TSPEAR: variants seen among roughly 807,000 people sequenced by gnomAD.
TSPEAR encodes thrombospondin type laminin G domain and EAR repeats, also known as thrombospondin-type laminin G domain and EAR repeat-containing protein.
Under a neutral mutation model 71.6 loss-of-function variants are expected in TSPEAR, and 69 were observed. The ratio of observed to expected loss-of-function variants is 0.96; its 90% CI spans 0.79 to 1.18. The LOEUF (loss-of-function observed/expected upper bound fraction) is 1.18. Ranked by LOEUF, TSPEAR falls within the 50% of genes most tolerant of loss-of-function variation. TSPEAR has a pLI of 0.00. For missense variants in TSPEAR, 971 were observed against 894.9 expected, an observed-to-expected ratio of 1.09 and a Z score of -1.09; for synonymous variants, 402 against 387.2, an observed-to-expected ratio of 1.04 and a Z score of -0.45.
At chr21:44,658,445 C>A (rs1985300978) in intron 1 of TSPEAR, 2 of 616,082 alleles carry the variant, frequency 3.2e-6, no homozygotes, top group African/African-American at 3.8e-5. Flanking sequence ...TGGGAACCCC[C>A]TCAAGGAAGT....
chr21:44,519,864 G>T (rs1189081971), intron 9 of TSPEAR: 2 of 152,292 alleles, frequency 1.3e-5, no homozygotes, highest in African/African-American at 2.4e-5. Flanking sequence ...GCGGATGCGG[G>T]CAGAGCTCTT....
intron 11 of TSPEAR, among the ~76,000 whole-genome samples, chr21:44,504,139 G>A (rs1234340660): frequency 7.0e-6 from 1 of 143,756 alleles, no homozygotes; most frequent in African/African-American, 2.6e-5. Context: ...GCCTCAGTGA[G>A]CCCACAGTGG....
chr21:44,574,094 C>G (rs587758477), intron 1 of TSPEAR: 1 of 1,608,928 alleles, frequency 6.2e-7, no homozygotes, highest in African/African-American at 1.3e-5. Context: ...GCTGCGTGCC[C>G]GTCTGCTGCA....
chr21:44,693,334 G>T, intron 1 of TSPEAR, among the ~76,000 whole-genome samples: 1 of 152,008 alleles, frequency 6.6e-6, no homozygotes, highest in East Asian at 1.9e-4. Flanking sequence ...AGAAGCACCA[G>T]CAACAAAAGA....
At position 44,648,543 on chromosome 21, in the gene TSPEAR, A is replaced by G. The variant is rs370577377; in HGVS notation, c.82+62890T>C. ...GGACAAAGGCCTTCATGGACCTTTC[A>G]TAGCACAAACAGTTAAAAAAAGAGG... On this transcript the variant is annotated intron_variant, in intron 1 of 11. Transcript: ENST00000323084. Among the ~76,000 whole-genome samples, 309 of 152,322 alleles carry G rather than the reference A, an allele frequency of 2.0e-3. 1 individual carries two copies. The highest frequency in any genetic ancestry group is 0.017 in the Middle Eastern group (5 of 294).
In TSPEAR at chr21:44,498,177, C is replaced by G. The variant is rs1380922100; in HGVS notation, c.*1606G>C. 1 of 152,276 alleles carries G rather than the reference C, an allele frequency of 6.6e-6. No individual in the cohort carries two copies. The highest frequency in any genetic ancestry group is 1.5e-5 in the Non-Finnish European group (1 of 68,078). 9.4% of individuals were successfully genotyped at this position (152,276 alleles called of 1,614,324 possible). A position where few individuals can be genotyped will look rare whatever the true frequency, so the allele number is the denominator to read the frequency against. The stretch of plus-strand genomic sequence containing the variant: ...CCACTAGTGGAGATGCTGACCCTCT[C>G]ATCTGCAGCTGTCTGCTTAGGGCAA... On this transcript the variant is annotated 3_prime_UTR_variant, in exon 12 of 12. Transcript: ENST00000323084.
intron 4 of TSPEAR, among the ~76,000 whole-genome samples, chr21:44,530,403 C>T (rs2052944827): frequency 6.7e-6 from 1 of 149,680 alleles, no homozygotes; most frequent in African/African-American, 2.6e-5. Flanking sequence ...ATCCCTCCAT[C>T]CACCCATCCA....
At chr21:44,706,009 CTG>C (rs1176127410) in intron 1 of TSPEAR, among the ~76,000 whole-genome samples, 2 of 152,296 alleles carry the variant, frequency 1.3e-5, no homozygotes, top group Admixed American at 1.3e-4. Context: ...CTTTTGTACT[CTG>C]TCCCTTTATT....
intron 6 of TSPEAR, 25 bp downstream of exon 6, chr21:44,528,427 C>T (rs782205907): frequency 2.3e-5 from 37 of 1,612,984 alleles, no homozygotes; most frequent in South Asian, 1.1e-4. Context: ...TGCATGCCAA[C>T]GCCCCGGGTG....
In TSPEAR at chr21:44,681,371, C is replaced by T. The variant is rs577074376; in HGVS notation, c.82+30062G>A. On this transcript the variant is annotated intron_variant, in intron 1 of 11. Coordinates refer to ENST00000323084, the MANE Select transcript of TSPEAR (RefSeq NM_144991.3). ...ACTCCACCACAGGCGGGTAAGTCAC[C>T]GCTGTGGCCACTGCAGCTGGGCCCC... Among the ~76,000 whole-genome samples the T allele has an allele frequency of 9.2e-5, 14 of 152,322 alleles. No individual in the cohort carries two copies. In the East Asian group the frequency reaches 2.1e-3, roughly 23 times the overall value.
At chr21:44,677,229 T>C (rs1986357520) in intron 1 of TSPEAR, 1 of 717,014 alleles carries the variant, frequency 1.4e-6, no homozygotes, top group South Asian at 1.6e-5. Context: ...TACCTCTTCT[T>C]TGGCTTTGAG....
chr21:44,709,617 G>A (rs1988115267), intron 1 of TSPEAR, among the ~76,000 whole-genome samples: 1 of 152,248 alleles, frequency 6.6e-6, no homozygotes, highest in African/African-American at 2.4e-5. Flanking sequence ...ACCACCCGCC[G>A]CGGCTCCACG....
intron 1 of TSPEAR, among the ~76,000 whole-genome samples, chr21:44,635,812 A>G (rs1983527346): frequency 1.3e-5 from 2 of 152,220 alleles, no homozygotes; most frequent in Non-Finnish European, 2.9e-5. Flanking sequence ...TTTATGGTTG[A>G]TCACAATTTA....
At chr21:44,655,300 G>A (rs373982695) in intron 1 of TSPEAR, among the ~76,000 whole-genome samples, 21 of 152,208 alleles carry the variant, frequency 1.4e-4, no homozygotes, top group Middle Eastern at 3.4e-3. Flanking sequence ...ATCCATGGTC[G>A]TTACCACTGT....
At position 44,594,426 on chromosome 21, in the gene TSPEAR, G is replaced by A. The variant is rs587701905; in HGVS notation, c.83-26421C>T. Among the ~76,000 whole-genome samples the A allele has an allele frequency of 7.2e-5, 11 of 152,290 alleles. No individual in the cohort carries two copies. In the East Asian group the frequency reaches 2.1e-3, roughly 29 times the overall value. On this transcript the variant is annotated intron_variant, in intron 1 of 11. Transcript: ENST00000323084. ...CTGCACACTAGGGGATAAATTGCTTGTTGAAAGTGTGCTGGGTGTGCCCGC... is the reference window on the plus strand; with the variant it reads ...CTGCACACTAGGGGATAAATTGCTTATTGAAAGTGTGCTGGGTGTGCCCGC...
chr21:44,517,900 G>C, intron 9 of TSPEAR: 1 of 468,236 alleles, frequency 2.1e-6, no homozygotes, highest in African/African-American at 2.0e-5. Flanking sequence ...AGATCTGGGC[G>C]GTTTTCTTCA....
At chr21:44,518,947 GC>G (rs1190426320) in intron 9 of TSPEAR, 1 of 256,390 alleles carries the variant, frequency 3.9e-6, no homozygotes, top group African/African-American at 2.2e-5. Flanking sequence ...ACTGCTGTCG[GC>G]CGGATTGCTG....
At chr21:44,528,390 C>T in intron 6 of TSPEAR, 62 bp downstream of exon 6, 1 of 1,606,168 alleles carries the variant, frequency 6.2e-7, no homozygotes, top group South Asian at 1.1e-5. Flanking sequence ...AGCCTCCACT[C>T]CCAGTCACAC....
chr21:44,609,955 T>A (rs1981550514), intron 1 of TSPEAR, among the ~76,000 whole-genome samples: 1 of 152,068 alleles, frequency 6.6e-6, no homozygotes, highest in Non-Finnish European at 1.5e-5. Flanking sequence ...TACCTGAAAT[T>A]GAAAATGCAA....
Sources: allele counts gnomAD v4.1 joint callset (sites outside exome capture counted in the v4.1 genomes callset), GRCh38; gene constraint gnomAD v4.1.1; transcripts MANE v1.5; gene names NCBI Gene and HGNC (gene_info 2026-07-23, HGNC 2026-07-21).